The following MAML3 variants were observed in gnomAD, a reference collection of about 807,000 sequenced individuals.
MAML3 encodes mastermind like transcriptional coactivator 3.
In MAML3, 27 loss-of-function variants were observed where a neutral mutation model predicts 101.9. The observed-to-expected ratio is 0.27, with a 90% CI of 0.20 to 0.37. The LOEUF is 0.37. Among genes scored for constraint, MAML3 ranks in the 10% least tolerant of loss-of-function variants. MAML3 has a pLI of 1.00. For synonymous variants in MAML3, 501 were observed against 555.9 expected (o/e 0.90, Z 1.39); for missense variants, 1,316 against 1,444.9 (o/e 0.91, Z 1.45).
At chr4:139,842,964 G>T (rs1353710511) in intron 2 of MAML3, among the ~76,000 whole-genome samples, 1 of 151,354 alleles carries the variant, frequency 6.6e-6, no homozygotes, top group Non-Finnish European at 1.5e-5. Context: ...TTCTAGTAAA[G>T]TCGGGGGGTT....
intron 1 of MAML3, among the ~76,000 whole-genome samples, chr4:140,080,609 T>C (rs1727847524): frequency 6.6e-6 from 1 of 152,066 alleles, no homozygotes. Flanking sequence ...AGAGCACCTC[T>C]AAAAAACCTA....
At chr4:139,766,732 A>G (rs1463502950) in intron 2 of MAML3, among the ~76,000 whole-genome samples, 1 of 152,198 alleles carries the variant, frequency 6.6e-6, no homozygotes, top group African/African-American at 2.4e-5. Context: ...CCTCTATTTG[A>G]TAAAGAGGTA....
intron 1 of MAML3, among the ~76,000 whole-genome samples, chr4:139,987,890 C>T (rs553069917): frequency 1.8e-3 from 272 of 151,152 alleles, no homozygotes; most frequent in African/African-American, 6.3e-3. Context: ...GGCATGGTGG[C>T]GGGCACCTGT....
chr4:140,103,065 C>T (rs536447086), intron 1 of MAML3, among the ~76,000 whole-genome samples: 16 of 152,306 alleles, frequency 1.1e-4, no homozygotes, highest in African/African-American at 2.9e-4. Context: ...AACTCCCCGA[C>T]GCCACTCTCA....
chr4:139,891,433 A>C (rs1373456042), intron 1 of MAML3, among the ~76,000 whole-genome samples: 2 of 152,064 alleles, frequency 1.3e-5, no homozygotes, highest in African/African-American at 2.4e-5. Flanking sequence ...ACGCGTCACC[A>C]TGCCTGGCTA....
At chr4:140,089,592 A>G (rs1465848662) in intron 1 of MAML3, among the ~76,000 whole-genome samples, 1 of 152,258 alleles carries the variant, frequency 6.6e-6, no homozygotes. Context: ...ACTGATATAT[A>G]TAACAGCATG....
chr4:140,133,390 T>C (rs1001006287), intron 1 of MAML3, among the ~76,000 whole-genome samples: 4 of 152,190 alleles, frequency 2.6e-5, no homozygotes, highest in African/African-American at 9.7e-5. Flanking sequence ...AACTACATAG[T>C]ATATAATTAC....
intron 1 of MAML3, among the ~76,000 whole-genome samples, chr4:140,037,033 C>T (rs181237997): frequency 1.3e-5 from 2 of 152,178 alleles, no homozygotes; most frequent in East Asian, 3.9e-4. Context: ...CAGCTGACAT[C>T]GCTGTGGCCC....
chr4:140,090,809 G>C (rs1214757603), intron 1 of MAML3, among the ~76,000 whole-genome samples: 1 of 152,168 alleles, frequency 6.6e-6, no homozygotes, highest in Non-Finnish European at 1.5e-5. Context: ...CCAGCACTTT[G>C]GGAGGCTGAC....
chr4:140,122,903 T>G (rs986525023), intron 1 of MAML3, among the ~76,000 whole-genome samples: 1 of 152,112 alleles, frequency 6.6e-6, no homozygotes, highest in South Asian at 2.1e-4. Flanking sequence ...CTTCAAATAC[T>G]TAAGAGTTTT....
At chr4:140,071,761 G>A (rs1047607452) in intron 1 of MAML3, among the ~76,000 whole-genome samples, 3 of 147,306 alleles carry the variant, frequency 2.0e-5, no homozygotes, top group African/African-American at 7.9e-5. Flanking sequence ...GGATTAGAGA[G>A]AGAGAGAGAG....
intron 2 of MAML3, among the ~76,000 whole-genome samples, chr4:139,882,791 G>A (rs909459182): frequency 7.9e-5 from 12 of 152,214 alleles, no homozygotes; most frequent in African/African-American, 2.9e-4. Context: ...AGAGGTGGCA[G>A]TGAGCCAAGA....
intron 1 of MAML3, among the ~76,000 whole-genome samples, chr4:140,072,972 T>G (rs1410784877): frequency 6.6e-6 from 1 of 152,152 alleles, no homozygotes; most frequent in African/African-American, 2.4e-5. Flanking sequence ...ATTTCCTGGG[T>G]GAAATTTCTC....
In MAML3 at chr4:139,834,470, C is replaced by T. The variant is rs887050168; in HGVS notation, c.2079+54887G>A. ...TATGTGGCCTGGGGATCCCCGTGGC[C>T]GGCCAGCGCCCTCTGTAAGACAGCG... On this transcript the variant is annotated intron_variant, in intron 2 of 4. Transcript: ENST00000509479. 4.6e-5 allele frequency among the ~76,000 whole-genome samples: 7 copies of T among 152,180 alleles called. No individual in the cohort carries two copies. The South Asian group carries it at 1.2e-3, about 27-fold the overall frequency.
Position 140,011,112 on chromosome 4 carries a change from A to AAGT in MAML3, c.469-120146_469-120145insACT, listed in dbSNP as rs1232196456. ...GACTCTGTCTCGAAAAAAAAAAAAA[A>AAGT]GTGTGTGTGTATATATATATATATA... On this transcript the variant is annotated intron_variant, in intron 1 of 4. Coordinates refer to ENST00000509479, the MANE Select transcript of MAML3 (RefSeq NM_018717.5). Among the ~76,000 whole-genome samples, 52 of 119,990 alleles carry AAGT rather than the reference A, an allele frequency of 4.3e-4. 1 individual carries two copies. Among genetic ancestry groups the AAGT allele is most frequent in the African/African-American group, 1.5e-3 (51 of 33,310 alleles). 78.7% of individuals were successfully genotyped at this position (119,990 alleles called of 152,430 possible).
chr4:139,971,300 G>A (rs1029781543), intron 1 of MAML3, among the ~76,000 whole-genome samples: 5 of 152,164 alleles, frequency 3.3e-5, no homozygotes, highest in African/African-American at 7.2e-5. Context: ...GGTGATTGTG[G>A]ACTAAACCAC....
rs78309972 is a variant in MAML3 at position 139,984,655 on chromosome 4, T to G, written c.469-93688A>C. Among the ~76,000 whole-genome samples the G allele has an allele frequency of 7.2e-4, 110 of 152,300 alleles. 1 individual carries two copies. The highest frequency in any genetic ancestry group is 1.2e-3 in the Non-Finnish European group (83 of 68,012). ...TTTAAGGAATTGGCTCATGCGACTG[T>G]GGGGGCTGGCAAGTCTGAAATTTGT... On this transcript the variant is annotated intron_variant, in intron 1 of 4. Transcript: ENST00000509479.
intron 1 of MAML3, among the ~76,000 whole-genome samples, chr4:140,004,957 T>C (rs905677812): frequency 1.3e-5 from 2 of 152,204 alleles, no homozygotes; most frequent in African/African-American, 4.8e-5. Context: ...CTTAAGAGTT[T>C]AGAAATTCTT....
chr4:140,109,506 A>C (rs1728405758), intron 1 of MAML3, among the ~76,000 whole-genome samples: 1 of 152,172 alleles, frequency 6.6e-6, no homozygotes, highest in African/African-American at 2.4e-5. Context: ...CAGTAGATCA[A>C]GGGGGAAGCA....
Sources: gnomAD v4.1 joint callset for allele counts (sites outside exome capture counted in the v4.1 genomes callset) on GRCh38, gnomAD v4.1.1 for gene constraint, MANE v1.5 for transcripts, NCBI Gene and HGNC (gene_info 2026-07-23, HGNC 2026-07-21) for gene names.